The following SLIT1 variants were observed in gnomAD, a reference collection of about 807,000 sequenced individuals.
SLIT1 encodes slit guidance ligand 1, also known as slit homolog 1 protein.
In SLIT1, 66 loss-of-function variants were observed where a neutral mutation model predicts 186.1. The observed-to-expected ratio is 0.35, with a 90% CI of 0.29 to 0.44. The LOEUF (loss-of-function observed/expected upper bound fraction) is 0.44, where lower values mean the gene tolerates loss of function less well. SLIT1 is among the 20% of genes least tolerant of loss of function. The pLI, the probability that SLIT1 is intolerant of heterozygous loss-of-function variation, is 1.00. For synonymous variants in SLIT1, 761 were observed against 833.8 expected (o/e 0.91, Z 1.50); for missense variants, 1,638 against 2,037.4 (o/e 0.80, Z 3.77).
chr10:97,060,278 C>A, intron 9 of SLIT1, 120 bp from the exon 10 acceptor site: 1 of 822,968 alleles, frequency 1.2e-6, no homozygotes, highest in Non-Finnish European at 2.1e-6. Flanking sequence ...GCTCCCTTCC[C>A]ACTTCCAGAA....
At chr10:97,133,580 G>A (rs1174324135) in intron 4 of SLIT1, among the ~76,000 whole-genome samples, 2 of 152,106 alleles carry the variant, frequency 1.3e-5, no homozygotes, top group African/African-American at 4.8e-5. Flanking sequence ...TCTGGAGATC[G>A]GGTCCACAAC....
chr10:97,025,998 C>T (rs949659207), intron 25 of SLIT1, among the ~76,000 whole-genome samples: 1 of 152,096 alleles, frequency 6.6e-6, no homozygotes, highest in Non-Finnish European at 1.5e-5. Flanking sequence ...TGTCTAAAAG[C>T]ATGAGAAAAG....
intron 36 of SLIT1, among the ~76,000 whole-genome samples, chr10:97,001,566 C>T (rs754705985): frequency 6.6e-6 from 1 of 151,938 alleles, no homozygotes; most frequent in Non-Finnish European, 1.5e-5. Flanking sequence ...GCGTCAGGGC[C>T]CTCCAGGACA....
At chr10:97,066,434 G>C (rs1589380626) in intron 4 of SLIT1, among the ~76,000 whole-genome samples, 1 of 152,162 alleles carries the variant, frequency 6.6e-6, no homozygotes, top group Admixed American at 6.5e-5. Context: ...ATTTGGCCCC[G>C]CCCAAATCTC....
Position 97,063,659 on chromosome 10 carries a change from C to T in SLIT1, c.630-41G>A, listed in dbSNP as rs143721200. 7.8e-6 allele frequency: 12 copies of T among 1,535,768 alleles called. No individual in the cohort carries two copies. The South Asian group carries it at 1.6e-4, about 20-fold the overall frequency. On this transcript the variant is annotated intron_variant, in intron 7 of 36. Transcript: ENST00000266058. The stretch of plus-strand genomic sequence containing the variant: ...ATGGCTCACAACCCATCTGGATCCC[C>T]CAGCCCAGCCTGATTGTGGGAACCC...
chr10:97,185,841 G>A lies in SLIT1; in HGVS notation c.-167C>T. ...AGGCACCTTGCTCCTCCAAGCGACG[G>A]CGCCTGTGCGCGGACGGAGGGAGGG... On this transcript the variant is annotated 5_prime_UTR_variant, in exon 1 of 37. Coordinates refer to ENST00000266058, the MANE Select transcript of SLIT1 (RefSeq NM_003061.3). 3.6e-6 allele frequency: 2 copies of A among 560,756 alleles called. No individual in the cohort carries two copies. Among genetic ancestry groups the A allele is most frequent in the Non-Finnish European group, 5.8e-6 (2 of 343,228 alleles). 34.7% of individuals were successfully genotyped at this position (560,756 alleles called of 1,614,324 possible). A position where few individuals can be genotyped will look rare whatever the true frequency, so the allele number is the denominator to read the frequency against.
At chr10:97,160,833 G>C (rs1238035157) in intron 3 of SLIT1, among the ~76,000 whole-genome samples, 1 of 152,138 alleles carries the variant, frequency 6.6e-6, no homozygotes, top group Non-Finnish European at 1.5e-5. Flanking sequence ...TGATTCTCCT[G>C]CCTGAGCCTC....
chr10:97,060,230 C>T, intron 9 of SLIT1, 72 bp from the exon 10 acceptor site: 1 of 1,225,890 alleles, frequency 8.2e-7, no homozygotes, highest in South Asian at 1.2e-5. Context: ...CTGCTGGGCT[C>T]ACCTGCCCTG....
At chr10:97,108,780 C>T (rs1373347960) in intron 4 of SLIT1, among the ~76,000 whole-genome samples, 4 of 147,606 alleles carry the variant, frequency 2.7e-5, no homozygotes, top group Non-Finnish European at 5.9e-5. Context: ...CTCAGCTAGT[C>T]GGGAGGCTGA....
chr10:97,117,603 A>G (rs1275987319), intron 4 of SLIT1, among the ~76,000 whole-genome samples: 1 of 152,192 alleles, frequency 6.6e-6, no homozygotes, highest in Non-Finnish European at 1.5e-5. Flanking sequence ...GTAAATTGGA[A>G]GGGTAGAATT....
intron 4 of SLIT1, chr10:97,153,860 T>C (rs1019646974): frequency 6.6e-6 from 1 of 152,168 alleles, no homozygotes; most frequent in Non-Finnish European, 1.5e-5. Context: ...AGGCAGATAT[T>C]CAGAAATAAC....
intron 2 of SLIT1, among the ~76,000 whole-genome samples, chr10:97,164,104 G>A (rs1433050143): frequency 1.3e-5 from 2 of 152,232 alleles, no homozygotes; most frequent in African/African-American, 2.4e-5. Context: ...CCGCCAACGT[G>A]CCCTGAAACC....
intron 4 of SLIT1, among the ~76,000 whole-genome samples, chr10:97,085,622 G>A (rs533237058): frequency 1.3e-3 from 204 of 152,182 alleles, no homozygotes; most frequent in African/African-American, 4.7e-3. Flanking sequence ...TCCTGACCCC[G>A]TGATCCGCCC....
At chr10:97,047,653 G>C (rs369466523) in intron 16 of SLIT1, 37 bp downstream of exon 16, 2 of 1,600,768 alleles carry the variant, frequency 1.2e-6, no homozygotes, top group Middle Eastern at 1.7e-4. Flanking sequence ...GTGGCAGTTA[G>C]GGACAGGGGA....
intron 13 of SLIT1, among the ~76,000 whole-genome samples, chr10:97,052,738 C>T (rs1359532062): frequency 3.3e-5 from 5 of 152,028 alleles, no homozygotes; most frequent in Non-Finnish European, 4.4e-5. Flanking sequence ...CTTGGAGCTA[C>T]GGACAAATCA....
At position 97,046,627 on chromosome 10, in the gene SLIT1, C is replaced by T. The variant is rs540546485; in HGVS notation, c.1853+27G>A. Reference sequence around the variant, plus strand: ...TTGCCTGCCTCCTGCAGCTGGCCCACCCTGCTCCCCAGCCCTGCACACTCA... The same window carrying T: ...TTGCCTGCCTCCTGCAGCTGGCCCATCCTGCTCCCCAGCCCTGCACACTCA... On this transcript the variant is annotated intron_variant, in intron 18 of 36. Transcript: ENST00000266058. The T allele has an allele frequency of 4.4e-6, 7 of 1,579,362 alleles. No homozygotes were observed. The South Asian group carries it at 6.8e-5, about 15-fold the overall frequency.
At chr10:97,065,737 T>A in intron 5 of SLIT1, 2 of 388,444 alleles carry the variant, frequency 5.1e-6, no homozygotes, top group Non-Finnish European at 9.6e-6. Flanking sequence ...CTAAATGGAC[T>A]GAGAACATTG....
intron 1 of SLIT1, among the ~76,000 whole-genome samples, chr10:97,173,633 T>C (rs1049934451): frequency 2.6e-5 from 4 of 151,988 alleles, no homozygotes; most frequent in South Asian, 2.1e-4. Flanking sequence ...AAAGCCAGCG[T>C]TGGCCTCAAG....
Position 97,006,338 on chromosome 10 carries a change from T to C in SLIT1, c.3579+145A>G. On this transcript the variant is annotated intron_variant, in intron 32 of 36. Transcript: ENST00000266058. The surrounding 1 kb of genome is among the most constrained non-coding windows in gnomAD (Gnocchi z 4.0). ...CTTAAACTAGTTCAAGCTGAGATTT[T>C]GATACCCATATGCAAAACGTTTTGA... 2 of 623,664 alleles carry C rather than the reference T, an allele frequency of 3.2e-6. No individual in the cohort carries two copies. The highest frequency in any genetic ancestry group is 5.7e-6 in the Non-Finnish European group (2 of 348,176). 38.6% of individuals were successfully genotyped at this position (623,664 alleles called of 1,614,324 possible).
Sources: gnomAD v4.1 joint callset for allele counts (sites outside exome capture counted in the v4.1 genomes callset) on GRCh38, gnomAD v4.1.1 for gene constraint, Gnocchi (gnomAD v3.1) non-coding constraint, MANE v1.5 for transcripts, NCBI Gene and HGNC (gene_info 2026-07-23, HGNC 2026-07-21) for gene names.